SPECC1L: variants seen among roughly 807,000 people sequenced by gnomAD.
The protein encoded by SPECC1L is cytospin-A.
SPECC1L carries 40 observed loss-of-function variants against 116.8 expected under a neutral mutation model. The ratio of observed to expected loss-of-function variants is 0.34; its 90% CI spans 0.27 to 0.45. The LOEUF (loss-of-function observed/expected upper bound fraction) is 0.45, where lower values mean the gene tolerates loss of function less well. Ranked by LOEUF, SPECC1L falls within the 20% of genes least tolerant of loss-of-function variation. The pLI, the probability that SPECC1L is intolerant of heterozygous loss-of-function variation, is 1.00. For missense variants in SPECC1L, 1,110 were observed against 1,373.6 expected (o/e 0.81, Z 3.03); for synonymous variants, 504 against 500.6 (o/e 1.01, Z -0.09).
intron 2 of SPECC1L, among the ~76,000 whole-genome samples, chr22:24,298,531 G>A (rs2049312756): frequency 6.6e-6 from 1 of 152,238 alleles, no homozygotes. Context: ...CAGTTGGCCA[G>A]CTAGAGATCC....
At chr22:24,412,575 A>G (rs956187868) in intron 15 of SPECC1L, 73 bp from the exon 16 acceptor site, 1 of 1,391,024 alleles carries the variant, frequency 7.2e-7, no homozygotes, top group Non-Finnish European at 1.0e-6. Flanking sequence ...CATCTGTCCC[A>G]GGCAGTTGTG....
At position 24,397,236 on chromosome 22, in the gene SPECC1L, T is replaced by C. The variant is rs182116446; in HGVS notation, c.3088-14352T>C. ...GAATACACCGACAGAGTGAAAAGAATGCTTCAGTTCCTTCTGTAAGCAATA... is the reference window on the plus strand; with the variant it reads ...GAATACACCGACAGAGTGAAAAGAACGCTTCAGTTCCTTCTGTAAGCAATA... On this transcript the variant is annotated intron_variant, in intron 14 of 16. Transcript: ENST00000314328. 2.6e-4 allele frequency among the ~76,000 whole-genome samples: 39 copies of C among 152,312 alleles called. No individual in the cohort carries two copies. The East Asian group carries it at 6.9e-3, about 27-fold the overall frequency.
chr22:24,357,564 C>T lies in SPECC1L; in HGVS notation c.2744-5697C>T, dbSNP rs184905770. Among the ~76,000 whole-genome samples, 42 of 152,196 alleles carry T rather than the reference C, an allele frequency of 2.8e-4. 1 individual carries two copies. The highest frequency in any genetic ancestry group is 4.4e-5 in the Non-Finnish European group (3 of 68,008). ...ATATTTTACAATTCTTTATTGAAAG[C>T]TAGACATCTTACATGGATAGTAGTT... On this transcript the variant is annotated intron_variant, in intron 11 of 16. Transcript: ENST00000314328.
chr22:24,362,670 T>C (rs1004266200), intron 11 of SPECC1L, among the ~76,000 whole-genome samples: 2 of 152,200 alleles, frequency 1.3e-5, no homozygotes, highest in South Asian at 4.1e-4. Flanking sequence ...CTTGAATGTG[T>C]TTGTACCTTT....
rs1187474952 is a variant in SPECC1L at position 24,414,590 on chromosome 22, T to C, written c.3321T>C (p.Tyr1107=). 2.5e-6 allele frequency: 4 copies of C among 1,614,024 alleles called. No individual in the cohort carries two copies. Among genetic ancestry groups the C allele is most frequent in the East Asian group, 2.2e-5 (1 of 44,888 alleles). The change falls in exon 17 of 17, where the codon TAT becomes TAC. Residue 1107 remains tyrosine, a synonymous_variant. Transcript: ENST00000314328. The part of the protein sequence containing the change: ...ERPDWQNVML[Y]VTAIYKYFET ...CCGACTGGCAGAACGTGATGCTGTATGTGACGGCGATCTACAAGTACTTTG... is the reference window on the plus strand; with the variant it reads ...CCGACTGGCAGAACGTGATGCTGTACGTGACGGCGATCTACAAGTACTTTG...
chr22:24,324,129 C>T, intron 5 of SPECC1L, 91 bp from the exon 6 acceptor site: 1 of 1,040,748 alleles, frequency 9.6e-7, no homozygotes, highest in Non-Finnish European at 1.5e-6. Context: ...TCATACTTAG[C>T]TCCCCTTGGA....
chr22:24,378,467 C>T (rs1480763271), intron 14 of SPECC1L, among the ~76,000 whole-genome samples: 1 of 152,354 alleles, frequency 6.6e-6, no homozygotes, highest in South Asian at 2.1e-4. Flanking sequence ...AACTTTTCCT[C>T]TGCATTCACA....
chr22:24,318,366 C>A (rs965896973), intron 4 of SPECC1L, among the ~76,000 whole-genome samples: 1 of 152,104 alleles, frequency 6.6e-6, no homozygotes. Flanking sequence ...CCAAAAAATA[C>A]GAAAACCAGT....
At chr22:24,413,118 C>T (rs1459266822) in intron 16 of SPECC1L, among the ~76,000 whole-genome samples, 1 of 152,166 alleles carries the variant, frequency 6.6e-6, no homozygotes, top group East Asian at 1.9e-4. Flanking sequence ...TCATCTAGAG[C>T]GAGAGGGCAA....
Position 24,322,400 on chromosome 22 carries a change from C to A in SPECC1L, c.1420C>A (p.His474Asn). The A allele has an allele frequency of 6.2e-7, 1 of 1,614,176 alleles. No homozygotes were observed. Among genetic ancestry groups the A allele is most frequent in the Non-Finnish European group, 8.5e-7 (1 of 1,180,040 alleles). Residue 474 changes from histidine (H) to asparagine (N), a missense_variant, in exon 5 of 17, where the codon CAC (histidine) becomes AAC (asparagine). By Grantham distance (68) the His-to-Asn change is moderately conservative. This residue lies in a region of SPECC1L where 575 missense variants were observed against 682.4 expected (regional missense o/e 0.84). Coordinates refer to ENST00000314328, the MANE Select transcript of SPECC1L (RefSeq NM_015330.6). Reference protein sequence around the residue: ...EYFRSLLDEHHISYVIDEDVK... With the variant: ...EYFRSLLDEHNISYVIDEDVK... ...CTTCCGCTCTCTTCTAGATGAGCAT[C>A]ACATTTCTTATGTCATAGATGAAGA... is the stretch of plus-strand genomic sequence containing the variant.
At chr22:24,288,136 CA>C (rs1196597678) in intron 2 of SPECC1L, among the ~76,000 whole-genome samples, 1 of 152,188 alleles carries the variant, frequency 6.6e-6, no homozygotes, top group East Asian at 1.9e-4. Context: ...TGTCTGTACA[CA>C]TGAGACCTTT....
At chr22:24,295,750 A>G (rs1601511059) in intron 2 of SPECC1L, among the ~76,000 whole-genome samples, 1 of 152,122 alleles carries the variant, frequency 6.6e-6, no homozygotes, top group African/African-American at 2.4e-5. Context: ...GGAGTTCAAG[A>G]CCAGCCTGGC....
intron 14 of SPECC1L, among the ~76,000 whole-genome samples, chr22:24,372,679 G>T (rs561883543): frequency 0.042 from 6,375 of 152,152 alleles, 451 homozygotes; most frequent in African/African-American, 0.15. Flanking sequence ...TACTGAATGG[G>T]TAAAAACTGG....
intron 2 of SPECC1L, among the ~76,000 whole-genome samples, chr22:24,287,434 C>A (rs2049063372): frequency 6.6e-6 from 1 of 152,108 alleles, no homozygotes; most frequent in Non-Finnish European, 1.5e-5. Flanking sequence ...AGTTGTCCAG[C>A]TGGACTTCTT....
At chr22:24,357,627 C>G (rs538359226) in intron 11 of SPECC1L, among the ~76,000 whole-genome samples, 3 of 152,164 alleles carry the variant, frequency 2.0e-5, no homozygotes, top group South Asian at 4.1e-4. Flanking sequence ...TTTTCTTCTA[C>G]TTAGGTCTTT....
chr22:24,376,423 C>T (rs1484838042), intron 14 of SPECC1L, among the ~76,000 whole-genome samples: 5 of 152,180 alleles, frequency 3.3e-5, no homozygotes, highest in Admixed American at 6.6e-5. Flanking sequence ...AACTCACTTG[C>T]ATTTACATAT....
intron 4 of SPECC1L, among the ~76,000 whole-genome samples, chr22:24,320,573 G>T (rs1289115332): frequency 1.3e-5 from 2 of 152,110 alleles, no homozygotes; most frequent in African/African-American, 2.4e-5. Context: ...TAACATCTGT[G>T]TCTGAGTTTC....
chr22:24,359,531 G>C (rs569102076), intron 11 of SPECC1L, among the ~76,000 whole-genome samples: 39 of 151,994 alleles, frequency 2.6e-4, no homozygotes, highest in Middle Eastern at 3.4e-3. Context: ...TGTTGATTCT[G>C]CTGCATCAAA....
At chr22:24,382,248 C>T (rs1950055330) in intron 14 of SPECC1L, among the ~76,000 whole-genome samples, 1 of 152,196 alleles carries the variant, frequency 6.6e-6, no homozygotes, top group Non-Finnish European at 1.5e-5. Flanking sequence ...CTGCTTTTTT[C>T]CCTTAGGGCG....
Sources: gnomAD v4.1 joint callset for allele counts (sites outside exome capture counted in the v4.1 genomes callset) on GRCh38, gnomAD v4.1.1 for gene constraint, gnomAD v4.1.1 regional missense constraint, MANE v1.5 for transcripts, NCBI Gene and HGNC (gene_info 2026-07-23, HGNC 2026-07-21) for gene names.